Variants in CELF4 observed in about 807,000 individuals in gnomAD.
The protein encoded by CELF4 is CUG-BP- and ETR-3-like factor 4.
In CELF4, 18 loss-of-function variants were observed where a neutral mutation model predicts 59.9. The observed-to-expected ratio is 0.30, with a 90% CI of 0.21 to 0.45. CELF4 has a LOEUF of 0.45. Ranked by LOEUF, CELF4 falls within the 20% of genes least tolerant of loss-of-function variation. The pLI, the probability that CELF4 is intolerant of heterozygous loss-of-function variation, is 1.00. For missense variants in CELF4, 456 were observed against 689.0 expected, an observed-to-expected ratio of 0.66 and a Z score of 3.79; for synonymous variants, 261 against 267.1, an observed-to-expected ratio of 0.98 and a Z score of 0.22.
chr18:37,382,973 C>CTAACAATT (rs1274035267), intron 2 of CELF4, among the ~76,000 whole-genome samples: 1 of 151,934 alleles, frequency 6.6e-6, no homozygotes, highest in Non-Finnish European at 1.5e-5. Context: ...TTTGCCAGCT[C>CTAACAATT]TAACAATTTT....
In CELF4 at chr18:37,476,988, C is replaced by T. The variant is rs144909440; in HGVS notation, c.369+8537G>A. On this transcript the variant is annotated intron_variant, in intron 2 of 12. Coordinates refer to ENST00000420428, the MANE Select transcript of CELF4 (RefSeq NM_020180.4). ...TTTCTCCTCTTTCCAAATGCACCCC[C>T]GCAGGGTGAGCTAGGCTGAAGACTT... 2.1e-3 allele frequency among the ~76,000 whole-genome samples: 322 copies of T among 152,370 alleles called. 1 individual carries two copies. The highest frequency in any genetic ancestry group is 0.01 in the Middle Eastern group (3 of 294).
At chr18:37,300,247 C>T (rs904129499) in intron 3 of CELF4, among the ~76,000 whole-genome samples, 4 of 149,278 alleles carry the variant, frequency 2.7e-5, no homozygotes, top group African/African-American at 2.5e-5. Context: ...TTTTTTGATA[C>T]GGAGTCTTGC....
At chr18:37,299,811 C>A (rs995912284) in intron 3 of CELF4, among the ~76,000 whole-genome samples, 16 of 152,178 alleles carry the variant, frequency 1.1e-4, no homozygotes, top group Admixed American at 9.2e-4. Flanking sequence ...TGCTCCCATG[C>A]TTTTTCCCTT....
At chr18:37,463,759 C>A (rs764265867) in intron 2 of CELF4, among the ~76,000 whole-genome samples, 11 of 152,194 alleles carry the variant, frequency 7.2e-5, no homozygotes, top group Non-Finnish European at 1.6e-4. Flanking sequence ...GGTCCCAGCT[C>A]CTGGCCTGCG....
intron 1 of CELF4, among the ~76,000 whole-genome samples, chr18:37,511,667 G>C (rs981878772): frequency 6.6e-6 from 1 of 151,808 alleles, no homozygotes. Flanking sequence ...AGCACTTAGC[G>C]CTCAGTCAAC....
chr18:37,276,241 A>C (rs1462494059), intron 3 of CELF4: 1 of 152,214 alleles, frequency 6.6e-6, no homozygotes, highest in Admixed American at 6.5e-5. Context: ...GCATGCACGC[A>C]TGGGGCTGTA....
At chr18:37,377,759 T>G (rs1292315112) in intron 2 of CELF4, among the ~76,000 whole-genome samples, 2 of 152,112 alleles carry the variant, frequency 1.3e-5, no homozygotes, top group East Asian at 3.9e-4. Flanking sequence ...CTCTAGAGTG[T>G]GCTTGGTTCC....
Position 37,253,703 on chromosome 18 carries a change from AGGC to A in CELF4, c.*44+61_*44+63del. ...GGGTCCGGCCCACGGAGGCCGGAGG[AGGC>A]GGCGGGTCCGTCTGGTTCCCTCCCA... On this transcript the variant is annotated intron_variant, in intron 12 of 12. Transcript: ENST00000420428. This position sits in a 1 kb window ranked among gnomAD's most constrained non-coding sequence, Gnocchi z 4.5. 1 of 1,278,390 alleles carries A rather than the reference AGGC, an allele frequency of 7.8e-7. No homozygotes were observed. Among genetic ancestry groups the A allele is most frequent in the Non-Finnish European group, 1.0e-6 (1 of 954,694 alleles). The allele number at this position is 1,278,390 out of a possible 1,614,324, so 79.2% of individuals were successfully genotyped here. A position where few individuals can be genotyped will look rare whatever the true frequency, so the allele number is the denominator to read the frequency against.
At chr18:37,398,061 G>A (rs2099267848) in intron 2 of CELF4, among the ~76,000 whole-genome samples, 1 of 152,210 alleles carries the variant, frequency 6.6e-6, no homozygotes, top group African/African-American at 2.4e-5. Flanking sequence ...CTGTAAAGGG[G>A]CCCTGAGCCC....
chr18:37,460,594 T>A (rs2099790807), intron 2 of CELF4, among the ~76,000 whole-genome samples: 1 of 152,254 alleles, frequency 6.6e-6, no homozygotes, highest in South Asian at 2.1e-4. Context: ...TATGTCTCAC[T>A]GTTGGCTTTG....
chr18:37,462,985 T>C lies in CELF4; in HGVS notation c.369+22540A>G, dbSNP rs566667900. Among the ~76,000 whole-genome samples, 4 of 152,288 alleles carry C rather than the reference T, an allele frequency of 2.6e-5. No homozygotes were observed. In the South Asian group the frequency reaches 8.3e-4, roughly 32 times the overall value. ...CATTTGAAATGCCTGAGTTCTCTGT[T>C]GAGCACTCTGTGGACCTGCACTCTG... is the stretch of plus-strand genomic sequence containing the variant. On this transcript the variant is annotated intron_variant, in intron 2 of 12. Coordinates refer to ENST00000420428, the MANE Select transcript of CELF4 (RefSeq NM_020180.4).
intron 9 of CELF4, among the ~76,000 whole-genome samples, chr18:37,265,292 C>T (rs572425522): frequency 3.9e-5 from 6 of 152,046 alleles, no homozygotes; most frequent in East Asian, 1.9e-4. Flanking sequence ...CACACATGCA[C>T]GTGTGTGTGT....
intron 1 of CELF4, among the ~76,000 whole-genome samples, chr18:37,513,305 C>T (rs914689538): frequency 1.3e-5 from 2 of 152,226 alleles, no homozygotes; most frequent in African/African-American, 4.8e-5. Flanking sequence ...CTGCCACATG[C>T]AGGACCTTCT....
At chr18:37,538,511 C>T (rs1030031620) in intron 1 of CELF4, among the ~76,000 whole-genome samples, 5 of 152,126 alleles carry the variant, frequency 3.3e-5, no homozygotes, top group African/African-American at 4.8e-5. Flanking sequence ...TTTCTGAATC[C>T]CCCAAGCACC....
chr18:37,483,067 A>G (rs1016751400), intron 2 of CELF4, among the ~76,000 whole-genome samples: 7 of 152,138 alleles, frequency 4.6e-5, no homozygotes, highest in Admixed American at 6.5e-5. Flanking sequence ...TCTCACCGAA[A>G]CAGGCAGCCA....
intron 1 of CELF4, among the ~76,000 whole-genome samples, chr18:37,486,813 C>T (rs1361116622): frequency 6.6e-6 from 1 of 152,176 alleles, no homozygotes; most frequent in Non-Finnish European, 1.5e-5. Flanking sequence ...CCTTCTGCCC[C>T]CGCATTCCTC....
intron 2 of CELF4, among the ~76,000 whole-genome samples, chr18:37,346,464 C>G (rs1213837681): frequency 6.6e-6 from 1 of 152,126 alleles, no homozygotes; most frequent in Admixed American, 6.5e-5. Flanking sequence ...TTTAGTCATT[C>G]TGCGACTGGG....
intron 2 of CELF4, among the ~76,000 whole-genome samples, chr18:37,464,764 G>C (rs2099803401): frequency 6.6e-6 from 1 of 152,214 alleles, no homozygotes; most frequent in African/African-American, 2.4e-5. Context: ...TGGTTCACAG[G>C]GAGCAAGGGC....
chr18:37,485,651 C>A, intron 1 of CELF4, 44 bp from the exon 2 acceptor site: 2 of 1,292,722 alleles, frequency 1.5e-6, no homozygotes, highest in South Asian at 2.1e-5. Context: ...TGGGGCGCCC[C>A]CGGGCCCGCC....
Sources: allele counts gnomAD v4.1 joint callset (sites outside exome capture counted in the v4.1 genomes callset), GRCh38; gene constraint gnomAD v4.1.1; non-coding constraint Gnocchi (gnomAD v3.1); transcripts MANE v1.5; gene names NCBI Gene and HGNC (gene_info 2026-07-23, HGNC 2026-07-21).